Variants in RNGTT observed in about 807,000 individuals in gnomAD.
The protein encoded by RNGTT is RNA guanylyltransferase and 5'-phosphatase, also known as mRNA-capping enzyme.
A neutral mutation model predicts 79.3 loss-of-function variants in RNGTT; 33 were observed. That is an observed-to-expected ratio of 0.42 (90% CI 0.32 to 0.56). The LOEUF (loss-of-function observed/expected upper bound fraction) is 0.56, where lower values mean the gene tolerates loss of function less well. Ranked by LOEUF, RNGTT falls within the 20% of genes least tolerant of loss-of-function variation. The probability of loss-of-function intolerance (pLI) is 0.17; values close to 1 mark genes in which losing one functional copy is unlikely to be tolerated. For synonymous variants in RNGTT, 222 were observed against 235.9 expected (o/e 0.94, Z 0.54); for missense variants, 497 against 739.1 (o/e 0.67, Z 3.80).
chr6:88,634,756 G>A (rs1773035852), intron 14 of RNGTT, among the ~76,000 whole-genome samples: 1 of 151,762 alleles, frequency 6.6e-6, no homozygotes, highest in Non-Finnish European at 1.5e-5. Context: ...AATAACTGCA[G>A]AAAATAAAAT....
intron 12 of RNGTT, among the ~76,000 whole-genome samples, chr6:88,782,243 C>A (rs1278456399): frequency 1.3e-5 from 2 of 152,010 alleles, no homozygotes; most frequent in African/African-American, 4.8e-5. Flanking sequence ...TAACATAGTA[C>A]CCTTTTCTCA....
chr6:88,701,942 G>C (rs1361132876), intron 13 of RNGTT, among the ~76,000 whole-genome samples: 4 of 151,904 alleles, frequency 2.6e-5, no homozygotes, highest in Admixed American at 6.6e-5. Context: ...GCCAAATCAA[G>C]AACAAAATCT....
intron 12 of RNGTT, among the ~76,000 whole-genome samples, chr6:88,797,772 T>C (rs748452679): frequency 5.3e-5 from 8 of 151,836 alleles, no homozygotes; most frequent in Non-Finnish European, 1.0e-4. Context: ...TGACCAAATA[T>C]GTGATGTAAT....
At chr6:88,640,807 G>A (rs1213956857) in intron 14 of RNGTT, among the ~76,000 whole-genome samples, 1 of 152,060 alleles carries the variant, frequency 6.6e-6, no homozygotes, top group Non-Finnish European at 1.5e-5. Flanking sequence ...GTATATTCAG[G>A]AGAACTTAAC....
chr6:88,842,023 T>A (rs915341631), intron 11 of RNGTT, among the ~76,000 whole-genome samples: 1 of 152,214 alleles, frequency 6.6e-6, no homozygotes, highest in Non-Finnish European at 1.5e-5. Context: ...AACATATCTA[T>A]GAATTAGAAC....
chr6:88,828,382 C>T lies in RNGTT; in HGVS notation c.1269+15975G>A, dbSNP rs140759449. Among the ~76,000 whole-genome samples, 773 of 152,202 alleles carry T rather than the reference C, an allele frequency of 5.1e-3. 5 individuals are homozygous for T. The highest frequency in any genetic ancestry group is 0.017 in the African/African-American group (714 of 41,532). ...AGGACAGCCACTCAGAAACCCCATCCGAAGGTCACCAACATCAAAGACCAA... is the reference window on the plus strand; with the variant it reads ...AGGACAGCCACTCAGAAACCCCATCTGAAGGTCACCAACATCAAAGACCAA... On this transcript the variant is annotated intron_variant, in intron 11 of 15. Coordinates refer to ENST00000369485, the MANE Select transcript of RNGTT (RefSeq NM_003800.5).
At position 88,688,897 on chromosome 6, in the gene RNGTT, A is replaced by G. The variant is rs1775375373; in HGVS notation, c.1440-10478T>C. 2.0e-5 allele frequency among the ~76,000 whole-genome samples: 3 copies of G among 152,154 alleles called. No individual in the cohort carries two copies. In the South Asian group the frequency reaches 6.2e-4, roughly 32 times the overall value. On this transcript the variant is annotated intron_variant, in intron 13 of 15. Transcript: ENST00000369485. The stretch of plus-strand genomic sequence containing the variant: ...GATCCACTCAAGTCTAATGAATAGC[A>G]TATTTATTTTCTCTTCCTTGTTATT...
At chr6:88,929,792 T>A (rs1784427533) in intron 2 of RNGTT, among the ~76,000 whole-genome samples, 1 of 151,752 alleles carries the variant, frequency 6.6e-6, no homozygotes, top group Non-Finnish European at 1.5e-5. Context: ...ATTTATATCA[T>A]ATATATGATG....
At chr6:88,904,556 T>A (rs1159069319) in intron 6 of RNGTT, among the ~76,000 whole-genome samples, 159 bp downstream of exon 6, 2 of 150,176 alleles carry the variant, frequency 1.3e-5, no homozygotes, top group Non-Finnish European at 3.0e-5. Context: ...AGCAAAACTT[T>A]CTCTCCAAAA....
chr6:88,840,681 G>A (rs1781254833), intron 11 of RNGTT, among the ~76,000 whole-genome samples: 1 of 152,194 alleles, frequency 6.6e-6, no homozygotes, highest in Admixed American at 6.5e-5. Context: ...TTACAGGTGT[G>A]AGCCACCACG....
chr6:88,762,322 G>A (rs73754820), intron 13 of RNGTT, among the ~76,000 whole-genome samples: 3,218 of 152,224 alleles, frequency 0.021, 98 homozygotes, highest in African/African-American at 0.073. Context: ...CCTTCAACCA[G>A]CCTTCCCTAC....
chr6:88,832,739 A>G (rs966568942), intron 11 of RNGTT, among the ~76,000 whole-genome samples: 1 of 152,192 alleles, frequency 6.6e-6, no homozygotes. Flanking sequence ...ACAAGAAAAA[A>G]CAACCCCATC....
chr6:88,955,465 G>A (rs966523030), intron 1 of RNGTT, among the ~76,000 whole-genome samples: 14 of 150,196 alleles, frequency 9.3e-5, no homozygotes, highest in African/African-American at 3.0e-4. Context: ...CAGCAGAATC[G>A]CTTGAACAGA....
At chr6:88,752,116 T>A (rs570617962) in intron 13 of RNGTT, among the ~76,000 whole-genome samples, 2 of 152,236 alleles carry the variant, frequency 1.3e-5, no homozygotes, top group Admixed American at 6.5e-5. Flanking sequence ...TTTCTTCATT[T>A]TATAATAAAT....
At chr6:88,657,155 GC>G (rs1410829963) in intron 14 of RNGTT, among the ~76,000 whole-genome samples, 5 of 152,176 alleles carry the variant, frequency 3.3e-5, no homozygotes, top group Non-Finnish European at 7.4e-5. Flanking sequence ...GAAAGAAGTG[GC>G]TTGCTGCTGC....
intron 12 of RNGTT, among the ~76,000 whole-genome samples, chr6:88,777,740 C>G (rs768110648): frequency 1.1e-4 from 17 of 152,128 alleles, no homozygotes; most frequent in Non-Finnish European, 1.9e-4. Flanking sequence ...CATCTGCAAA[C>G]AGAGATAATT....
intron 4 of RNGTT, among the ~76,000 whole-genome samples, chr6:88,927,008 T>C (rs1349369659): frequency 2.0e-5 from 3 of 152,188 alleles, no homozygotes; most frequent in Non-Finnish European, 2.9e-5. Flanking sequence ...TACTAGTTTT[T>C]CCGTTAATTA....
At chr6:88,910,336 C>A (rs2127945437) in intron 4 of RNGTT, among the ~76,000 whole-genome samples, 1 of 152,232 alleles carries the variant, frequency 6.6e-6, no homozygotes, top group South Asian at 2.1e-4. Flanking sequence ...AATTAAAAAT[C>A]TTAACAACCG....
intron 13 of RNGTT, among the ~76,000 whole-genome samples, chr6:88,768,239 A>G (rs1778532012): frequency 6.6e-6 from 1 of 151,506 alleles, no homozygotes; most frequent in Admixed American, 6.6e-5. Context: ...CCTCCCAAGT[A>G]GCTGGAACCA....
Sources: allele counts gnomAD v4.1 joint callset (sites outside exome capture counted in the v4.1 genomes callset), GRCh38; gene constraint gnomAD v4.1.1; transcripts MANE v1.5; gene names NCBI Gene and HGNC (gene_info 2026-07-23, HGNC 2026-07-21).